CHLSN: variants seen among roughly 807,000 people sequenced by gnomAD.
CHLSN encodes cholesin, also known as protein cholesin.
the CHLSN span, chr7:1,021,287 C>G: frequency 2.6e-6 from 2 of 769,798 alleles, no homozygotes; most frequent in African/African-American, 1.9e-5. Context: ...GTGTGGACCT[C>G]CAGGCTGGCA....
At chr7:1,011,079 G>A in the CHLSN span, among the ~76,000 whole-genome samples, 1 of 131,230 alleles carries the variant, frequency 7.6e-6, no homozygotes, top group African/African-American at 3.0e-5. Context: ...CCCCGACACA[G>A]ACACACACAT....
the CHLSN span, among the ~76,000 whole-genome samples, chr7:1,030,510 T>G: frequency 6.6e-6 from 1 of 152,124 alleles, no homozygotes; most frequent in Admixed American, 6.5e-5. Context: ...CCACTCCATC[T>G]CACGCTTCCA....
the CHLSN span, chr7:1,057,829 T>G: frequency 6.4e-6 from 5 of 777,630 alleles, no homozygotes; most frequent in African/African-American, 1.7e-5. Flanking sequence ...CACGTGGCAC[T>G]GCAGATCCCC....
chr7:1,016,777 A>G, the CHLSN span, among the ~76,000 whole-genome samples: 2 of 104,602 alleles, frequency 1.9e-5, no homozygotes, highest in South Asian at 5.7e-4. Context: ...AGCGCACAGC[A>G]GCGCACAGCA....
At chr7:1,077,312 A>C in the CHLSN span, among the ~76,000 whole-genome samples, 1 of 152,002 alleles carries the variant, frequency 6.6e-6, no homozygotes, top group African/African-American at 2.4e-5. Flanking sequence ...TCCACCACCA[A>C]GCCTGGCTAA....
At chr7:1,028,332 G>GGT in the CHLSN span, 1 of 1,024,158 alleles carries the variant, frequency 9.8e-7, no homozygotes, top group Non-Finnish European at 1.2e-6. Context: ...CGCACCGCCC[G>GGT]GCCCGCGCCT....
the CHLSN span, among the ~76,000 whole-genome samples, chr7:1,078,625 C>T: frequency 3.3e-4 from 50 of 152,342 alleles, no homozygotes; most frequent in Non-Finnish European, 4.4e-4. Context: ...AAGATGCTCA[C>T]GACAGGGCCC....
At chr7:1,034,105 C>T in the CHLSN span, among the ~76,000 whole-genome samples, 1 of 152,208 alleles carries the variant, frequency 6.6e-6, no homozygotes, top group Non-Finnish European at 1.5e-5. Context: ...GGCATGGGAC[C>T]GCAGACAGTC....
the CHLSN span, among the ~76,000 whole-genome samples, chr7:1,011,475 ACCCAGACACACCTTCACACG>A: frequency 1.4e-5 from 2 of 143,264 alleles, no homozygotes; most frequent in Non-Finnish European, 3.0e-5. Context: ...ACACACCCAC[ACCCAGACACACCTTCACACG>A]CCCAGACACC....
chr7:1,105,076 C>T, the CHLSN span, among the ~76,000 whole-genome samples: 7 of 152,200 alleles, frequency 4.6e-5, no homozygotes, highest in Admixed American at 2.0e-4. Flanking sequence ...TACTATGTAT[C>T]GCAATTTTAT....
the CHLSN span, among the ~76,000 whole-genome samples, chr7:998,526 T>A: frequency 7.0e-6 from 1 of 143,054 alleles, no homozygotes; most frequent in Non-Finnish European, 1.5e-5. Flanking sequence ...AGTGGCACGA[T>A]CTCCACCTCC....
the CHLSN span, among the ~76,000 whole-genome samples, chr7:1,023,242 C>T: frequency 8.5e-5 from 13 of 152,178 alleles, no homozygotes; most frequent in African/African-American, 1.4e-4. The surrounding 1 kb of genome is among the most constrained non-coding windows in gnomAD (Gnocchi z 5.0). Context: ...AGCCGCGACA[C>T]GGGCTGAGCG....
the CHLSN span, among the ~76,000 whole-genome samples, chr7:1,134,321 A>C: frequency 0.11 from 16,182 of 151,802 alleles, 1,494 homozygotes; most frequent in African/African-American, 0.25. Flanking sequence ...CACCTGTAAT[A>C]CCAGCACTTT....
chr7:1,127,191 C>T, the CHLSN span: 1 of 1,510,356 alleles, frequency 6.6e-7, no homozygotes, highest in Non-Finnish European at 8.8e-7. Flanking sequence ...GCCACCCCCT[C>T]TCCCTCCAGA....
chr7:1,020,026 C>A, the CHLSN span, among the ~76,000 whole-genome samples: 1 of 152,212 alleles, frequency 6.6e-6, no homozygotes, highest in African/African-American at 2.4e-5. Context: ...TCCAGCGAGG[C>A]GGCAGGTGGC....
chr7:992,024 C>T, the CHLSN span, among the ~76,000 whole-genome samples: 6 of 152,220 alleles, frequency 3.9e-5, no homozygotes, highest in African/African-American at 1.4e-4. Context: ...GCCCAGCTTC[C>T]TCACGCATGG....
At chr7:1,076,657 G>A in the CHLSN span, among the ~76,000 whole-genome samples, 1 of 152,266 alleles carries the variant, frequency 6.6e-6, no homozygotes, top group Non-Finnish European at 1.5e-5. Context: ...GCCGCAGAGG[G>A]AAGCTGGCTC....
the CHLSN span, among the ~76,000 whole-genome samples, chr7:982,455 C>T: frequency 6.6e-6 from 1 of 152,260 alleles, no homozygotes; most frequent in East Asian, 1.9e-4. Context: ...CCTCCCACCC[C>T]TCACAGCGGT....
At chr7:1,016,698 C>CCAGCACACGCCAGCGCACAG in the CHLSN span, among the ~76,000 whole-genome samples, 1 of 69,900 alleles carries the variant, frequency 1.4e-5, no homozygotes, top group Non-Finnish European at 2.6e-5. Context: ...GCAGCGCATG[C>CCAGCACACGCCAGCGCACAG]CAGCACACGC....
Sources: gnomAD v4.1 joint callset for allele counts (sites outside exome capture counted in the v4.1 genomes callset) on GRCh38, gnomAD v4.1.1 for gene constraint, Gnocchi (gnomAD v3.1) non-coding constraint, MANE v1.5 for transcripts, NCBI Gene and HGNC (gene_info 2026-07-23, HGNC 2026-07-21) for gene names.